Variants in ARHGAP15 observed in about 807,000 individuals in gnomAD.
The protein encoded by ARHGAP15 is Rho GTPase activating protein 15, also known as rho GTPase-activating protein 15.
ARHGAP15 carries 51 observed loss-of-function variants against 63.7 expected under a neutral mutation model. That is an observed-to-expected ratio of 0.80 (90% CI 0.64 to 1.01). The LOEUF is 1.01. ARHGAP15 is among the 50% of genes least tolerant of loss of function. The pLI, the probability that ARHGAP15 is intolerant of heterozygous loss-of-function variation, is 0.00. For synonymous variants in ARHGAP15, 191 were observed against 193.8 expected, an observed-to-expected ratio of 0.99 and a Z score of 0.12; for missense variants, 560 against 564.6, an observed-to-expected ratio of 0.99 and a Z score of 0.08.
At chr2:143,438,327 T>A (rs1014084084) in intron 8 of ARHGAP15, among the ~76,000 whole-genome samples, 5 of 152,172 alleles carry the variant, frequency 3.3e-5, no homozygotes, top group East Asian at 1.9e-4. Context: ...TACATATATG[T>A]GTGCATTAAG....
chr2:143,473,706 C>A (rs1254496054), intron 8 of ARHGAP15, among the ~76,000 whole-genome samples: 2 of 152,126 alleles, frequency 1.3e-5, no homozygotes, highest in Non-Finnish European at 2.9e-5. Context: ...ATGTTTCCAG[C>A]CATATTTTAG....
At chr2:143,334,388 T>TAGAAAAAAA (rs1684682135) in intron 6 of ARHGAP15, among the ~76,000 whole-genome samples, 1 of 152,194 alleles carries the variant, frequency 6.6e-6, no homozygotes, top group Non-Finnish European at 1.5e-5. Flanking sequence ...AGACTTAATC[T>TAGAAAAAAA]TACATGACTC....
At chr2:143,260,671 CTT>C (rs1004059241) in intron 6 of ARHGAP15, among the ~76,000 whole-genome samples, 1 of 152,094 alleles carries the variant, frequency 6.6e-6, no homozygotes, top group Admixed American at 6.5e-5. Flanking sequence ...GAAAGTAAGA[CTT>C]TTGGGTTTTA....
chr2:143,296,745 G>C (rs1225403945), intron 6 of ARHGAP15, among the ~76,000 whole-genome samples: 1 of 151,838 alleles, frequency 6.6e-6, no homozygotes, highest in Non-Finnish European at 1.5e-5. Flanking sequence ...GTGTCATGGG[G>C]GTTTGTTGTA....
intron 8 of ARHGAP15, among the ~76,000 whole-genome samples, chr2:143,482,891 G>T (rs1378225027): frequency 6.6e-6 from 1 of 152,188 alleles, no homozygotes; most frequent in Non-Finnish European, 1.5e-5. Flanking sequence ...AGAACAAAAT[G>T]AGTGGAATGA....
At chr2:143,263,454 T>A (rs1240170850) in intron 6 of ARHGAP15, among the ~76,000 whole-genome samples, 2 of 152,118 alleles carry the variant, frequency 1.3e-5, no homozygotes, top group Non-Finnish European at 2.9e-5. Flanking sequence ...TGCTGGAAGA[T>A]CATGTAATCA....
chr2:143,723,375 C>A (rs2105468143), intron 13 of ARHGAP15, among the ~76,000 whole-genome samples: 1 of 152,306 alleles, frequency 6.6e-6, no homozygotes, highest in Non-Finnish European at 1.5e-5. Flanking sequence ...GATGCTGGAG[C>A]AAAGCCGGAA....
At chr2:143,182,796 A>C (rs868278051) in intron 2 of ARHGAP15, among the ~76,000 whole-genome samples, 1 of 152,162 alleles carries the variant, frequency 6.6e-6, no homozygotes, top group African/African-American at 2.4e-5. Flanking sequence ...GTTATGTAAT[A>C]AGAGATCTGA....
intron 6 of ARHGAP15, among the ~76,000 whole-genome samples, chr2:143,329,228 C>T (rs1165815646): frequency 6.6e-6 from 1 of 152,104 alleles, no homozygotes; most frequent in Non-Finnish European, 1.5e-5. Context: ...CATTTTATGG[C>T]AATGGTGAAT....
At chr2:143,153,046 G>C (rs1689891525) in intron 1 of ARHGAP15, among the ~76,000 whole-genome samples, 1 of 151,958 alleles carries the variant, frequency 6.6e-6, no homozygotes, top group Non-Finnish European at 1.5e-5. Flanking sequence ...TTTGACAGTA[G>C]CATATCACTA....
At chr2:143,312,597 C>A (rs1351082786) in intron 6 of ARHGAP15, among the ~76,000 whole-genome samples, 1 of 152,102 alleles carries the variant, frequency 6.6e-6, no homozygotes, top group Admixed American at 6.6e-5. Context: ...CCAATCCCAG[C>A]ACAGTTCTAC....
rs568563492 is a variant in ARHGAP15 at position 143,260,649 on chromosome 2, A to G, written c.474+10049A>G. Among the ~76,000 whole-genome samples the G allele has an allele frequency of 2.0e-5, 3 of 152,292 alleles. No individual in the cohort carries two copies. The East Asian group carries it at 5.8e-4, about 29-fold the overall frequency. On this transcript the variant is annotated intron_variant, in intron 6 of 13. Coordinates refer to ENST00000295095, the MANE Select transcript of ARHGAP15 (RefSeq NM_018460.4). ...ATTATCCTTTACAAGAAAATGTGGA[A>G]ATGCCTATATTGAAAGTAAGACTTT...
At chr2:143,268,067 A>G (rs941614187) in intron 6 of ARHGAP15, among the ~76,000 whole-genome samples, 2 of 152,164 alleles carry the variant, frequency 1.3e-5, no homozygotes, top group Non-Finnish European at 2.9e-5. Context: ...TACAACAAGT[A>G]AAAACTACTC....
intron 8 of ARHGAP15, among the ~76,000 whole-genome samples, chr2:143,455,000 G>A (rs1481758852): frequency 2.6e-5 from 4 of 151,932 alleles, no homozygotes; most frequent in Non-Finnish European, 5.9e-5. Flanking sequence ...TACTGGAAGG[G>A]GCTCCCAATC....
At chr2:143,345,971 A>G (rs1014273999) in intron 6 of ARHGAP15, among the ~76,000 whole-genome samples, 23 of 152,018 alleles carry the variant, frequency 1.5e-4, no homozygotes, top group African/African-American at 5.6e-4. Context: ...TTTTATTCTC[A>G]AACTGTTGCC....
At position 143,577,377 on chromosome 2, in the gene ARHGAP15, A is replaced by G. The variant is rs555203375; in HGVS notation, c.1003+20892A>G. On this transcript the variant is annotated intron_variant, in intron 11 of 13. Transcript: ENST00000295095. ...CTCAGCACCATTAGGGAAACAAAGC[A>G]GAAAATAAAACATACAAGTGAATCA... 2.6e-5 allele frequency among the ~76,000 whole-genome samples: 4 copies of G among 152,292 alleles called. No homozygotes were observed. The South Asian group carries it at 8.3e-4, about 32-fold the overall frequency.
At chr2:143,210,583 CAT>C (rs980571838) in intron 3 of ARHGAP15, among the ~76,000 whole-genome samples, 3 of 152,056 alleles carry the variant, frequency 2.0e-5, no homozygotes, top group African/African-American at 7.2e-5. Flanking sequence ...AGACATTCAG[CAT>C]AACCCCAAAG....
intron 10 of ARHGAP15, among the ~76,000 whole-genome samples, chr2:143,525,979 C>T (rs1694255804): frequency 6.6e-6 from 1 of 152,098 alleles, no homozygotes; most frequent in Non-Finnish European, 1.5e-5. Flanking sequence ...AAAACATTGC[C>T]ATCTCTGCCA....
intron 6 of ARHGAP15, among the ~76,000 whole-genome samples, chr2:143,347,645 G>A (rs919845261): frequency 1.3e-5 from 2 of 152,012 alleles, no homozygotes; most frequent in African/African-American, 4.8e-5. Context: ...GAACATTTAC[G>A]TTTGTTATGT....
Sources: allele counts gnomAD v4.1 joint callset (sites outside exome capture counted in the v4.1 genomes callset), GRCh38; gene constraint gnomAD v4.1.1; transcripts MANE v1.5; gene names NCBI Gene and HGNC (gene_info 2026-07-23, HGNC 2026-07-21).